Variants in KLHL26 observed in about 807,000 individuals in gnomAD.
KLHL26 encodes the protein kelch-like protein 26.
In KLHL26, 4 loss-of-function variants were observed where a neutral mutation model predicts 7.1. The observed-to-expected ratio is 0.56, with a 90% CI of 0.28 to 1.28. KLHL26 has a LOEUF of 1.28. Ranked by LOEUF, KLHL26 falls within the 50% of genes most tolerant of loss-of-function variation. KLHL26 has a pLI of 0.11. For missense variants in KLHL26, 896 were observed against 924.6 expected, an observed-to-expected ratio of 0.97 and a Z score of 0.40; for synonymous variants, 465 against 414.1, an observed-to-expected ratio of 1.12 and a Z score of -1.49.
chr19:18,669,225 C>G lies in KLHL26; in HGVS notation c.1828C>G (p.Arg610Gly), dbSNP rs757323522. 3 of 1,610,392 alleles carry G rather than the reference C, an allele frequency of 1.9e-6. No homozygotes were observed. The highest frequency in any genetic ancestry group is 2.2e-5 in the East Asian group (1 of 44,870). Residue 610 changes from arginine to glycine, a missense_variant, in exon 3 of 3, where the codon CGG (arginine) becomes GGG (glycine). Physicochemically the swap from Arg to Gly is moderately radical, Grantham distance 125. Transcript: ENST00000300976. ...GIACAPVLLP[R>G]AGTRR is the part of the protein sequence containing the mutation. ...AGCCTGCGCCCCCGTCCTGCTGCCC[C>G]GGGCCGGGACCAGGAGGTAGCCCCC...
chr19:18,668,243 G>A lies in KLHL26; in HGVS notation c.846G>A (p.Leu282=). 17 of 1,612,250 alleles carry A rather than the reference G, an allele frequency of 1.1e-5. No individual in the cohort carries two copies. The highest frequency in any genetic ancestry group is 1.4e-5 in the Non-Finnish European group (17 of 1,179,868). The change falls in exon 3 of 3, where the codon CTG becomes CTA. Residue 282 remains leucine (L), a synonymous_variant. Coordinates refer to ENST00000300976, the MANE Select transcript of KLHL26 (RefSeq NM_018316.3). ...ACGTGCTGTGCCGCCAGTATCTGCT[G>A]GAGGCCTTCAACTACCAGGTGCTGC... ...VEDVLCRQYL[L]EAFNYQVLPF... is the part of the protein sequence containing the mutation.
chr19:18,667,001 T>C (rs1357632909), intron 2 of KLHL26, among the ~76,000 whole-genome samples: 2 of 152,180 alleles, frequency 1.3e-5, no homozygotes, highest in Admixed American at 1.3e-4. Context: ...AGGCACATTG[T>C]GGGTGAGGCT....
At chr19:18,641,218 A>G (rs1976705591) in intron 1 of KLHL26, among the ~76,000 whole-genome samples, 1 of 151,868 alleles carries the variant, frequency 6.6e-6, no homozygotes, top group Non-Finnish European at 1.5e-5. Flanking sequence ...TTCTCTAATA[A>G]CTAATGATGT....
rs1370204597 is a variant in KLHL26, at chr19:18,668,490, G to A, written c.1093G>A (p.Val365Met). The A allele has an allele frequency of 8.7e-6, 14 of 1,607,236 alleles. No homozygotes were observed. The highest frequency in any genetic ancestry group is 4.5e-5 in the East Asian group (2 of 44,806). ...GGCCGTGCTGGACAATTTTGTGTAC[G>A]TGGCCGGGGGGCAGCACCTGCAGTA... ...CVAVLDNFVY[V>M]AGGQHLQYRS... Residue 365 changes from valine to methionine, a missense_variant, in exon 3 of 3, where the codon GTG (valine) becomes ATG (methionine). Transcript: ENST00000300976.
chr19:18,649,189 G>A lies in KLHL26; in HGVS notation c.83+12052G>A, dbSNP rs1405261506. 6.6e-6 allele frequency among the ~76,000 whole-genome samples: 1 copy of A among 152,212 alleles called. No individual in the cohort carries two copies. Among genetic ancestry groups the A allele is most frequent in the African/African-American group, 2.4e-5 (1 of 41,452 alleles). On this transcript the variant is annotated intron_variant, in intron 1 of 2. Transcript: ENST00000300976. This position sits in a 1 kb window ranked among gnomAD's most constrained non-coding sequence, Gnocchi z 4.0. ...TGTCGTCATGGTACATTCTCTGCTT[G>A]AGGACCCATGTCCCTGTAGAATGTA...
rs886548003 is a variant in KLHL26, at chr19:18,668,961, C to T, written c.1564C>T (p.Arg522Cys). The change falls in exon 3 of 3, where the codon CGC becomes TGC. Residue 522 changes from arginine to cysteine, a missense_variant. By Grantham distance (180) the Arg-to-Cys change is radical. Transcript: ENST00000300976. ...CGGGGGCCGCATGGACCACGTGGAC[C>T]GCTGCTTCGACGTGCTGGCTGTGGA... ...ALGGRMDHVDRCFDVLAVEYY... is the reference protein window; with the variant it reads ...ALGGRMDHVDCCFDVLAVEYY... The T allele has an allele frequency of 3.1e-6, 5 of 1,611,576 alleles. No individual in the cohort carries two copies. Among genetic ancestry groups the T allele is most frequent in the Non-Finnish European group, 3.4e-6 (4 of 1,179,914 alleles).
intron 1 of KLHL26, among the ~76,000 whole-genome samples, chr19:18,638,761 C>T (rs867513670): frequency 9.9e-5 from 15 of 152,212 alleles, no homozygotes; most frequent in African/African-American, 2.6e-4. Context: ...AGTGCAGTGA[C>T]GCCACCAAGG....
chr19:18,667,198 T>C (rs1020936617), intron 2 of KLHL26, among the ~76,000 whole-genome samples: 3 of 152,114 alleles, frequency 2.0e-5, no homozygotes, highest in African/African-American at 7.2e-5. Flanking sequence ...CTCACTCTTA[T>C]TGTCCAGGCT....
chr19:18,656,556 G>A lies in KLHL26; in HGVS notation c.84-7705G>A, dbSNP rs1275065077. Reference sequence around the variant, plus strand: ...ACAGGCTGAAGCCAAGGACAGACAGGCAGGGAATGGCTCCAGATCAGGAGG... The same window carrying A: ...ACAGGCTGAAGCCAAGGACAGACAGACAGGGAATGGCTCCAGATCAGGAGG... On this transcript the variant is annotated intron_variant, in intron 1 of 2. Transcript: ENST00000300976. This position sits in a 1 kb window ranked among gnomAD's most constrained non-coding sequence, Gnocchi z 4.4. 2.0e-5 allele frequency among the ~76,000 whole-genome samples: 3 copies of A among 152,208 alleles called. No individual in the cohort carries two copies. The highest frequency in any genetic ancestry group is 1.9e-4 in the East Asian group (1 of 5,194).
At chr19:18,654,356 G>T (rs902607767) in intron 1 of KLHL26, among the ~76,000 whole-genome samples, 1 of 124,800 alleles carries the variant, frequency 8.0e-6, no homozygotes, top group Non-Finnish European at 1.7e-5. Context: ...TCCACCATCT[G>T]CCCACTCATC....
chr19:18,643,948 A>G (rs921120615), intron 1 of KLHL26, among the ~76,000 whole-genome samples: 3 of 152,178 alleles, frequency 2.0e-5, no homozygotes, highest in Non-Finnish European at 4.4e-5. Context: ...AAATTCACCC[A>G]CTTTAAGTGA....
intron 1 of KLHL26, among the ~76,000 whole-genome samples, chr19:18,644,854 G>C (rs1403468402): frequency 6.6e-6 from 1 of 152,090 alleles, no homozygotes; most frequent in Non-Finnish European, 1.5e-5. Flanking sequence ...GGCAGTTCCT[G>C]TCTTCCCCCT....
At chr19:18,667,500 G>C (rs1256208589) in intron 2 of KLHL26, 164 bp from the exon 3 acceptor site, 1 of 1,263,704 alleles carries the variant, frequency 7.9e-7, no homozygotes, top group Non-Finnish European at 1.1e-6. Context: ...CACCGCGCCC[G>C]GCCCCTTTGC....
intron 1 of KLHL26, among the ~76,000 whole-genome samples, chr19:18,661,015 C>T (rs1043700409): frequency 3.3e-5 from 5 of 152,184 alleles, no homozygotes; most frequent in African/African-American, 4.8e-5. Context: ...CCAGATTCTC[C>T]GAGTGTGTAG....
rs536667897 is a variant in KLHL26, at chr19:18,649,931, G to T, written c.83+12794G>T. On this transcript the variant is annotated intron_variant, in intron 1 of 2. Transcript: ENST00000300976. This position sits in a 1 kb window ranked among gnomAD's most constrained non-coding sequence, Gnocchi z 4.0. ...TCACTGCGCAGCGGAGTGCCTGATC[G>T]CTCTGTGTGCACCACCACGGTGCAC... Among the ~76,000 whole-genome samples, 1 of 152,190 alleles carries T rather than the reference G, an allele frequency of 6.6e-6. No individual in the cohort carries two copies. The highest frequency in any genetic ancestry group is 2.1e-4 in the South Asian group (1 of 4,830).
Position 18,649,786 on chromosome 19 carries a change from C to G in KLHL26, c.83+12649C>G, listed in dbSNP as rs1331399698. On this transcript the variant is annotated intron_variant, in intron 1 of 2. Coordinates refer to ENST00000300976, the MANE Select transcript of KLHL26 (RefSeq NM_018316.3). This position sits in a 1 kb window ranked among gnomAD's most constrained non-coding sequence, Gnocchi z 4.0. ...CCCACCCCGCCCCTTCCACATGTCT[C>G]TCCGGAGAGGGCCGCACAGAATTCA... 6.6e-6 allele frequency among the ~76,000 whole-genome samples: 1 copy of G among 152,204 alleles called. No individual in the cohort carries two copies.
chr19:18,658,952 CCTGTCTCCTTCTCTCTGGGTCT>C (rs373386453), intron 1 of KLHL26, among the ~76,000 whole-genome samples: 150 of 148,068 alleles, frequency 1.0e-3, no homozygotes, highest in African/African-American at 3.4e-3. Context: ...TCTCTGGGTG[CCTGTCTCCTTCTCTCTGGGTCT>C]CTGTCTCCTT....
chr19:18,667,458 C>A, intron 2 of KLHL26: 3 of 788,184 alleles, frequency 3.8e-6, no homozygotes, highest in South Asian at 3.7e-5. Context: ...CCCGCCTGGG[C>A]TTCCCAAAGT....
chr19:18,667,798 A>G lies in KLHL26; in HGVS notation c.401A>G (p.Gln134Arg), dbSNP rs2052467070. 1 of 1,613,456 alleles carries G rather than the reference A, an allele frequency of 6.2e-7. No individual in the cohort carries two copies. Among genetic ancestry groups the G allele is most frequent in the East Asian group, 2.2e-5 (1 of 44,888 alleles). The change falls in exon 3 of 3, where the codon CAG becomes CGG. Residue 134 changes from glutamine (Q) to arginine (R), a missense_variant. Coordinates refer to ENST00000300976, the MANE Select transcript of KLHL26 (RefSeq NM_018316.3). ...GTGACACTGGACCTGGACTGCGTGC[A>G]GGACGTGCTGGGCGCGGCCGTGTTC... Reference protein sequence around the residue: ...AEVTLDLDCVQDVLGAAVFLQ... With the variant: ...AEVTLDLDCVRDVLGAAVFLQ...
Sources: allele counts gnomAD v4.1 joint callset (sites outside exome capture counted in the v4.1 genomes callset), GRCh38; gene constraint gnomAD v4.1.1; non-coding constraint Gnocchi (gnomAD v3.1); transcripts MANE v1.5; gene names NCBI Gene and HGNC (gene_info 2026-07-23, HGNC 2026-07-21).